The following TASL variants were observed in gnomAD, a reference collection of about 807,000 sequenced individuals.
TASL encodes the protein TLR adaptor interacting with endolysosomal SLC15A4.
In TASL, 6 loss-of-function variants were observed where a neutral mutation model predicts 12.9. The ratio of observed to expected loss-of-function variants is 0.46; its 90% CI spans 0.25 to 0.92. TASL has a LOEUF of 0.92. TASL is among the 40% of genes least tolerant of loss of function. The pLI is 0.17. For synonymous variants in TASL, 85 were observed against 79.3 expected, an observed-to-expected ratio of 1.07 and a Z score of -0.38; for missense variants, 165 against 212.8, an observed-to-expected ratio of 0.78 and a Z score of 1.40.
rs772162280 is a variant in TASL at position 30,559,751 on chromosome X, T to A, written c.605A>T (p.Gln202Leu). The A allele has an allele frequency of 8.3e-7, 1 of 1,211,602 alleles. No homozygotes were observed. Among genetic ancestry groups the A allele is most frequent in the Non-Finnish European group, 1.1e-6 (1 of 895,155 alleles). ...CAGAACTGCATTAGAAATAGGATTC[T>A]GCATTTGCAAGCTGCTTTTCTCTTT... ...SIKEKSSLQM[Q>L]NPISNAVLNE... The change falls in exon 3 of 3, where the codon CAG (glutamine) becomes CTG (leucine). Residue 202 changes from glutamine (Q) to leucine (L), a missense_variant. Gln to Leu is a moderately radical substitution (Grantham distance 113, BLOSUM62 -2). Coordinates refer to ENST00000378962, the MANE Select transcript of TASL (RefSeq NM_025159.3).
At chrX:30,569,997 A>T (rs1299422171) in intron 2 of TASL, among the ~76,000 whole-genome samples, 1 of 98,270 alleles carries the variant, frequency 1.0e-5, no homozygotes, top group South Asian at 5.7e-4. Context: ...CAGCCTGGCG[A>T]CAGAGCAAGA....
chrX:30,564,353 A>G (rs1358635319), intron 2 of TASL, among the ~76,000 whole-genome samples: 1 of 111,594 alleles, frequency 9.0e-6, no homozygotes, highest in East Asian at 2.8e-4. Context: ...CAGAGGAGAA[A>G]TTCAAAGACA....
chrX:30,565,020 C>G lies in TASL; in HGVS notation c.-1-4664G>C, dbSNP rs1238934826. On this transcript the variant is annotated intron_variant, in intron 2 of 2. Transcript: ENST00000378962. ...CTAGTATTCAGGACCTCAGAATTCC[C>G]TGCTCAGATGGCAGACCCAATTACA... Among the ~76,000 whole-genome samples the G allele has an allele frequency of 4.5e-5, 5 of 111,967 alleles. No homozygotes were observed. In the Admixed American group the frequency reaches 4.7e-4, roughly 11 times the overall value.
Position 30,559,831 on chromosome X carries a change from G to T in TASL, c.525C>A (p.Asp175Glu), listed in dbSNP as rs992612456. 9.1e-6 allele frequency: 11 copies of T among 1,208,805 alleles called. No homozygotes were observed. The African/African-American group carries it at 1.8e-4, about 19-fold the overall frequency. The change falls in exon 3 of 3, where the codon GAC becomes GAA. Residue 175 changes from aspartate (D) to glutamate (E), a missense_variant. Transcript: ENST00000378962. Reference protein sequence around the residue: ...MEDSISTQPSDFPQKPIQRYS... With the variant: ...MEDSISTQPSEFPQKPIQRYS... ...ACCGCTGGATAGGTTTTTGGGGAAAGTCACTGGGCTGAGTAGAAATGGAAT... is the reference window on the plus strand; with the variant it reads ...ACCGCTGGATAGGTTTTTGGGGAAATTCACTGGGCTGAGTAGAAATGGAAT...
At chrX:30,576,399 G>A (rs1361714111) in intron 2 of TASL, among the ~76,000 whole-genome samples, 1 of 111,401 alleles carries the variant, frequency 9.0e-6, no homozygotes, top group Non-Finnish European at 1.9e-5. Context: ...CACATATAGA[G>A]AGAGAGAAAA....
chrX:30,560,797 T>C (rs1224980548), intron 2 of TASL, among the ~76,000 whole-genome samples: 1 of 109,940 alleles, frequency 9.1e-6, no homozygotes, highest in African/African-American at 3.3e-5. Flanking sequence ...TAAGATAATA[T>C]GGTGGCATGA....
intron 2 of TASL, among the ~76,000 whole-genome samples, chrX:30,571,075 G>A (rs1233282911): frequency 1.8e-5 from 2 of 108,202 alleles, no homozygotes; most frequent in Non-Finnish European, 3.8e-5. Flanking sequence ...AGCTACTCGG[G>A]AGGCTGAGGC....
chrX:30,562,229 C>T (rs1930436154), intron 2 of TASL, among the ~76,000 whole-genome samples: 1 of 112,146 alleles, frequency 8.9e-6, no homozygotes, highest in Admixed American at 9.4e-5. Flanking sequence ...AATCCAGAAC[C>T]ATGAAGGACT....
chrX:30,568,086 A>G (rs1399064996), intron 2 of TASL, among the ~76,000 whole-genome samples: 1 of 110,962 alleles, frequency 9.0e-6, no homozygotes, highest in Non-Finnish European at 1.9e-5. Context: ...AAAAATACAT[A>G]AATTAGCCGG....
rs1930608243 is a variant in TASL at position 30,571,278 on chromosome X, G to GAAAGAAAGAAAGAA, written c.-2+5460_-2+5473dup. 6.4e-4 allele frequency among the ~76,000 whole-genome samples: 48 copies of GAAAGAAAGAAAGAA among 74,611 alleles called. 2 individuals carry two copies. Among genetic ancestry groups the GAAAGAAAGAAAGAA allele is most frequent in the Middle Eastern group, 6.8e-3 (1 of 147 alleles). 64.8% of individuals were successfully genotyped at this position (74,611 alleles called of 115,157 possible). A position where few individuals can be genotyped will look rare whatever the true frequency, so the allele number is the denominator to read the frequency against. On this transcript the variant is annotated intron_variant, in intron 2 of 2. Coordinates refer to ENST00000378962, the MANE Select transcript of TASL (RefSeq NM_025159.3). Reference sequence around the variant, plus strand: ...AAAGAGAAAGAAAGAAAGAAAGAAAGAAAGAAAGAAAGAAAGAAAGAAAGA... The same window carrying GAAAGAAAGAAAGAA: ...AAAGAGAAAGAAAGAAAGAAAGAAAGAAAGAAAGAAAGAAAAAGAAAGAAAGAAAGAAAGAAAGA...
At chrX:30,568,198 A>G (rs1930529080) in intron 2 of TASL, among the ~76,000 whole-genome samples, 1 of 110,852 alleles carries the variant, frequency 9.0e-6, no homozygotes, top group Non-Finnish European at 1.9e-5. Flanking sequence ...AGATCGTGCC[A>G]CTGCACTCCA....
intron 2 of TASL, among the ~76,000 whole-genome samples, chrX:30,568,382 G>A (rs1198288010): frequency 9.0e-6 from 1 of 111,568 alleles, no homozygotes; most frequent in Non-Finnish European, 1.9e-5. Flanking sequence ...CCTTTATTTG[G>A]CCCTACAGAC....
chrX:30,574,163 T>G (rs754163469), intron 2 of TASL, among the ~76,000 whole-genome samples: 8 of 110,456 alleles, frequency 7.2e-5, no homozygotes, highest in Non-Finnish European at 1.1e-4. Flanking sequence ...GCATTTTTTG[T>G]CTTCCGTCCT....
chrX:30,562,694 C>T (rs945682122), intron 2 of TASL, among the ~76,000 whole-genome samples: 3 of 110,519 alleles, frequency 2.7e-5, no homozygotes, highest in Non-Finnish European at 5.7e-5. Context: ...GAGGAGGGAG[C>T]CCTGAAGTGA....
chrX:30,571,138 C>T lies in TASL; in HGVS notation c.-2+5614G>A, dbSNP rs960441619. The stretch of plus-strand genomic sequence containing the variant: ...GAGGTTGTGGTGAGCTGAGATTGCG[C>T]CACTGCATTCCAGCCTGAACAACAA... On this transcript the variant is annotated intron_variant, in intron 2 of 2. Coordinates refer to ENST00000378962, the MANE Select transcript of TASL (RefSeq NM_025159.3). Among the ~76,000 whole-genome samples the T allele has an allele frequency of 2.9e-5, 3 of 103,015 alleles. No homozygotes were observed. In the Admixed American group the frequency reaches 3.2e-4, roughly 11 times the overall value. 89.5% of individuals were successfully genotyped at this position (103,015 alleles called of 115,157 possible).
Position 30,576,866 on chromosome X carries a change from C to T in TASL, c.-116G>A, listed in dbSNP as rs1248742591. The T allele has an allele frequency of 3.6e-5, 4 of 112,133 alleles. No individual in the cohort carries two copies. The East Asian group carries it at 8.3e-4, about 23-fold the overall frequency. 9.2% of individuals were successfully genotyped at this position (112,133 alleles called of 1,213,427 possible). A position where few individuals can be genotyped will look rare whatever the true frequency, so the allele number is the denominator to read the frequency against. Reference sequence around the variant, plus strand: ...AGAAACAATCTTCTTCTCACACTGACCTATGCAAGAAATGTTATAAAATAT... The same window carrying T: ...AGAAACAATCTTCTTCTCACACTGATCTATGCAAGAAATGTTATAAAATAT... On this transcript the variant is annotated splice_region_variant and 5_prime_UTR_variant, in exon 2 of 3. Transcript: ENST00000378962.
chrX:30,571,308 AAG>A (rs1271888777), intron 2 of TASL, among the ~76,000 whole-genome samples: 5 of 103,037 alleles, frequency 4.9e-5, no homozygotes, highest in Admixed American at 2.1e-4. Flanking sequence ...GAAAGAAAGA[AAG>A]AAAGAAAGAA....
At chrX:30,572,205 G>A (rs2147087364) in intron 2 of TASL, among the ~76,000 whole-genome samples, 1 of 111,842 alleles carries the variant, frequency 8.9e-6, no homozygotes, top group South Asian at 3.7e-4. Context: ...AGAAATATGT[G>A]CTAAAGTGCA....
At chrX:30,575,184 T>C in intron 2 of TASL, among the ~76,000 whole-genome samples, 1 of 111,727 alleles carries the variant, frequency 9.0e-6, no homozygotes, top group South Asian at 3.8e-4. Flanking sequence ...ATAATTCCAT[T>C]GTAAACTTTT....
Sources: gnomAD v4.1 joint callset for allele counts (sites outside exome capture counted in the v4.1 genomes callset) on GRCh38, gnomAD v4.1.1 for gene constraint, MANE v1.5 for transcripts, NCBI Gene and HGNC (gene_info 2026-07-23, HGNC 2026-07-21) for gene names.